NLGN4X: variants seen among roughly 807,000 people sequenced by gnomAD.
NLGN4X encodes the protein neuroligin 4 X-linked.
A neutral mutation model predicts 40.3 loss-of-function variants in NLGN4X; 3 were observed. The observed-to-expected ratio is 0.07, with a 90% CI of 0.03 to 0.19. The LOEUF is 0.19. Ranked by LOEUF, NLGN4X falls within the 10% of genes least tolerant of loss-of-function variation. NLGN4X has a pLI of 1.00. For synonymous variants in NLGN4X, 270 were observed against 306.8 expected (o/e 0.88, Z 1.25); for missense variants, 382 against 708.3 (o/e 0.54, Z 5.23).
chrX:6,097,439 G>A (rs2038807332), intron 2 of NLGN4X, among the ~76,000 whole-genome samples: 1 of 111,127 alleles, frequency 9.0e-6, no homozygotes, highest in Non-Finnish European at 1.9e-5. Flanking sequence ...TCTAATGAGA[G>A]AGACTTGGGG....
chrX:6,093,357 G>T (rs1301051523), intron 2 of NLGN4X, among the ~76,000 whole-genome samples: 1 of 112,146 alleles, frequency 8.9e-6, no homozygotes, highest in East Asian at 2.8e-4. Flanking sequence ...CAGGTGATTG[G>T]TATTTTCTAG....
chrX:6,036,374 C>T (rs1047968121), intron 2 of NLGN4X, among the ~76,000 whole-genome samples: 2 of 111,551 alleles, frequency 1.8e-5, no homozygotes, highest in Non-Finnish European at 3.8e-5. Flanking sequence ...TAATTAGATG[C>T]TGTCTTTCCT....
In NLGN4X at chrX:5,983,067, A is replaced by G. The variant is rs766056238; in HGVS notation, c.625+46213T>C. ...TCACGCCTGAAGGTCCCAATCTAAT[A>G]TACTTGCCTTTAACATTTTCCTACC... On this transcript the variant is annotated intron_variant, in intron 3 of 5. Coordinates refer to ENST00000381095, the MANE Select transcript of NLGN4X (RefSeq NM_181332.3). Among the ~76,000 whole-genome samples the G allele has an allele frequency of 2.7e-5, 3 of 112,328 alleles. No individual in the cohort carries two copies. In the South Asian group the frequency reaches 1.1e-3, roughly 42 times the overall value.
At chrX:6,065,724 A>G (rs2037896498) in intron 2 of NLGN4X, among the ~76,000 whole-genome samples, 2 of 111,640 alleles carry the variant, frequency 1.8e-5, no homozygotes, top group East Asian at 2.8e-4. Context: ...AAACAGAATC[A>G]GCACTTTCCA....
intron 2 of NLGN4X, among the ~76,000 whole-genome samples, chrX:6,110,342 C>T (rs1190482848): frequency 2.7e-5 from 3 of 110,781 alleles, no homozygotes; most frequent in East Asian, 5.7e-4. Context: ...CCACAAGAGG[C>T]TCCCACTCAC....
At chrX:6,026,048 A>G (rs1365489654) in intron 3 of NLGN4X, among the ~76,000 whole-genome samples, 1 of 111,414 alleles carries the variant, frequency 9.0e-6, no homozygotes, top group Non-Finnish European at 1.9e-5. Context: ...TGCCTTCTAC[A>G]TCTAAGGAAA....
rs902968254 is a variant in NLGN4X, at chrX:5,897,608, C to T, written c.1602-3942G>A. 4.5e-5 allele frequency among the ~76,000 whole-genome samples: 5 copies of T among 111,744 alleles called. No homozygotes were observed. The East Asian group carries it at 1.1e-3, about 25-fold the overall frequency. On this transcript the variant is annotated intron_variant, in intron 5 of 5. Coordinates refer to ENST00000381095, the MANE Select transcript of NLGN4X (RefSeq NM_181332.3). ...CCTTGCTACAGGGGAGGATCCCCCT[C>T]AGGCACAGGCCTGGGCAACTGCTTC...
At chrX:6,223,704 G>T (rs1284359821) in intron 1 of NLGN4X, among the ~76,000 whole-genome samples, 1 of 112,563 alleles carries the variant, frequency 8.9e-6, no homozygotes, top group Non-Finnish European at 1.9e-5. Flanking sequence ...CACAGCAGAT[G>T]ACCTAATTGC....
chrX:6,173,486 C>T (rs1455771089), intron 1 of NLGN4X, among the ~76,000 whole-genome samples: 2 of 111,859 alleles, frequency 1.8e-5, no homozygotes, highest in East Asian at 2.8e-4. Context: ...CTTTCCCCTG[C>T]CTTTCTGTAA....
At chrX:5,902,951 T>C in intron 5 of NLGN4X, 126 bp downstream of exon 5, 1 of 737,556 alleles carries the variant, frequency 1.4e-6, no homozygotes, top group Non-Finnish European at 2.1e-6. Context: ...TGTGTATGTG[T>C]GTGCATGCAT....
intron 3 of NLGN4X, among the ~76,000 whole-genome samples, chrX:5,992,956 G>A (rs2035722188): frequency 9.0e-6 from 1 of 111,534 alleles, no homozygotes. Flanking sequence ...TTTTCAACGT[G>A]AGATTTGGAG....
chrX:6,140,573 G>GT (rs1399213900), intron 2 of NLGN4X, among the ~76,000 whole-genome samples: 1 of 109,319 alleles, frequency 9.1e-6, no homozygotes, highest in Non-Finnish European at 1.9e-5. Flanking sequence ...ACAAGGAAAT[G>GT]TTTCTCTTTT....
chrX:5,953,251 C>A (rs891403419), intron 3 of NLGN4X, among the ~76,000 whole-genome samples: 1 of 110,424 alleles, frequency 9.1e-6, no homozygotes, highest in African/African-American at 3.3e-5. Flanking sequence ...TAGCATGTGC[C>A]TGTGGCCTCA....
intron 2 of NLGN4X, among the ~76,000 whole-genome samples, chrX:6,112,971 A>C (rs1401476607): frequency 9.0e-6 from 1 of 110,852 alleles, no homozygotes; most frequent in Non-Finnish European, 1.9e-5. Context: ...TCCTCTGCAC[A>C]ATCCATAGCC....
intron 2 of NLGN4X, among the ~76,000 whole-genome samples, chrX:6,112,958 T>A (rs1271066943): frequency 9.0e-6 from 1 of 110,775 alleles, no homozygotes; most frequent in Non-Finnish European, 1.9e-5. Context: ...TCACCTCTGG[T>A]CTTCCTCTGC....
intron 3 of NLGN4X, among the ~76,000 whole-genome samples, chrX:6,028,839 G>C (rs757875349): frequency 9.0e-6 from 1 of 111,701 alleles, no homozygotes; most frequent in African/African-American, 3.3e-5. Flanking sequence ...TCTTCCAAAG[G>C]CTCAACATAA....
At chrX:5,985,448 A>T (rs959741848) in intron 3 of NLGN4X, among the ~76,000 whole-genome samples, 83 of 108,294 alleles carry the variant, frequency 7.7e-4, no homozygotes, top group African/African-American at 2.6e-3. Flanking sequence ...TTATTTATTT[A>T]TTTTTTTTTA....
intron 3 of NLGN4X, among the ~76,000 whole-genome samples, chrX:6,016,507 G>T (rs2036399376): frequency 8.9e-6 from 1 of 112,142 alleles, no homozygotes; most frequent in Non-Finnish European, 1.9e-5. Flanking sequence ...AAACTTTTGT[G>T]CATTGATGGT....
At chrX:5,900,245 T>C (rs1417971831) in intron 5 of NLGN4X, among the ~76,000 whole-genome samples, 2 of 112,255 alleles carry the variant, frequency 1.8e-5, no homozygotes, top group East Asian at 2.8e-4. Context: ...TTATGTTAAG[T>C]TGAGGTCATA....
Sources: allele counts gnomAD v4.1 joint callset (sites outside exome capture counted in the v4.1 genomes callset), GRCh38; gene constraint gnomAD v4.1.1; transcripts MANE v1.5; gene names NCBI Gene and HGNC (gene_info 2026-07-23, HGNC 2026-07-21).